UGT1A6: variants seen among roughly 807,000 people sequenced by gnomAD.
The protein encoded by UGT1A6 is UDP glucuronosyltransferase family 1 member A6.
UGT1A6 carries 32 observed loss-of-function variants against 44.4 expected under a neutral mutation model. The ratio of observed to expected loss-of-function variants is 0.72; its 90% CI spans 0.54 to 0.97. The LOEUF (loss-of-function observed/expected upper bound fraction) is 0.97, where lower values mean the gene tolerates loss of function less well. Ranked by LOEUF, UGT1A6 falls within the 50% of genes least tolerant of loss-of-function variation. The probability of loss-of-function intolerance (pLI) is 0.00; values close to 1 mark genes in which losing one functional copy is unlikely to be tolerated. For synonymous variants in UGT1A6, 238 were observed against 248.5 expected (o/e 0.96, Z 0.40); for missense variants, 685 against 661.9 (o/e 1.03, Z -0.38).
At chr2:233,704,341 G>A (rs188654230) in intron 1 of UGT1A6, among the ~76,000 whole-genome samples, 1 of 137,544 alleles carries the variant, frequency 7.3e-6, no homozygotes, top group East Asian at 2.1e-4. Flanking sequence ...TATTTAAAAA[G>A]TTGTGTTCTG....
At chr2:233,770,624 C>T (rs544443196) in intron 4 of UGT1A6, 1 of 151,460 alleles carries the variant, frequency 6.6e-6, no homozygotes, top group African/African-American at 2.4e-5. Flanking sequence ...TGCCACTCCA[C>T]TCCAGCCTGG....
chr2:233,769,742 C>A lies in UGT1A6; in HGVS notation c.1301+1303C>A, dbSNP rs2126047976. 6.9e-7 allele frequency: 1 copy of A among 1,450,742 alleles called. No individual in the cohort carries two copies. Among genetic ancestry groups the A allele is most frequent in the Non-Finnish European group, 9.1e-7 (1 of 1,100,114 alleles). The allele number at this position is 1,450,742 out of a possible 1,614,324, so 89.9% of individuals were successfully genotyped here. ...CCATGGCACACGCCTGTAGTCCCAG[C>A]CACTCTGGAGGCTAAGGCGGGAGGA... On this transcript the variant is annotated intron_variant, in intron 4 of 4. Coordinates refer to ENST00000305139, the MANE Select transcript of UGT1A6 (RefSeq NM_001072.4). This position sits in a 1 kb window ranked among gnomAD's most constrained non-coding sequence, Gnocchi z 4.4.
At chr2:233,760,687 A>C in intron 1 of UGT1A6, 1 of 1,614,232 alleles carries the variant, frequency 6.2e-7, no homozygotes, top group Non-Finnish European at 8.5e-7. Context: ...ACTGCACAAC[A>C]AGGAGCTCAT....
chr2:233,693,402 G>A lies in UGT1A6; in HGVS notation c.398G>A (p.Arg133Lys). ...AACTGCCAGAGCCTCCTGCAGGACA[G>A]GGACACCCTGAACTTCTTTAAGGAG... ...FINCQSLLQD[R>K]DTLNFFKESK... is the part of the protein sequence containing the mutation. The change falls in exon 1 of 5, where the codon AGG becomes AAG. Residue 133 changes from arginine to lysine, a missense_variant. By Grantham distance (26) the Arg-to-Lys change is conservative. Transcript: ENST00000305139. 6.2e-7 allele frequency: 1 copy of A among 1,614,140 alleles called. No homozygotes were observed. Among genetic ancestry groups the A allele is most frequent in the Non-Finnish European group, 8.5e-7 (1 of 1,180,016 alleles).
chr2:233,719,576 A>G, intron 1 of UGT1A6: 1 of 1,613,934 alleles, frequency 6.2e-7, no homozygotes, highest in East Asian at 2.2e-5. Context: ...TCAGCTATGC[A>G]TCCGTGTGGC....
chr2:233,759,596 C>G (rs1697189496), intron 1 of UGT1A6, among the ~76,000 whole-genome samples: 1 of 145,706 alleles, frequency 6.9e-6, no homozygotes, highest in Non-Finnish European at 1.5e-5. Flanking sequence ...CCCCCCACCC[C>G]CGACCCGCCC....
chr2:233,764,097 A>C (rs535493986), intron 1 of UGT1A6, among the ~76,000 whole-genome samples: 6 of 152,334 alleles, frequency 3.9e-5, no homozygotes, highest in African/African-American at 1.4e-4. Flanking sequence ...CTAAACTAAA[A>C]ATACAAAATT....
chr2:233,716,944 C>T (rs192038385), intron 1 of UGT1A6, among the ~76,000 whole-genome samples: 1 of 152,264 alleles, frequency 6.6e-6, no homozygotes, highest in Non-Finnish European at 1.5e-5. Context: ...CTCCTATTTC[C>T]CAGGCACCAG....
Position 233,760,610 on chromosome 2 carries a change from G to A in UGT1A6, c.862-6424G>A. 5 of 1,614,182 alleles carry A rather than the reference G, an allele frequency of 3.1e-6. No homozygotes were observed. Among genetic ancestry groups the A allele is most frequent in the Non-Finnish European group, 3.4e-6 (4 of 1,180,034 alleles). The stretch of plus-strand genomic sequence containing the variant: ...TTTGAGAATGATTCTTTCCTGCAGC[G>A]TGTGATCAAAACATACAAGAAAATA... On this transcript the variant is annotated intron_variant, in intron 1 of 4. Coordinates refer to ENST00000305139, the MANE Select transcript of UGT1A6 (RefSeq NM_001072.4).
chr2:233,733,971 G>A (rs927832512), intron 1 of UGT1A6, among the ~76,000 whole-genome samples: 7 of 152,028 alleles, frequency 4.6e-5, no homozygotes, highest in African/African-American at 7.3e-5. Flanking sequence ...TAGGGGGAGC[G>A]GGGAGGGATA....
chr2:233,755,024 G>A (rs533329516), intron 1 of UGT1A6: 16 of 1,306,402 alleles, frequency 1.2e-5, no homozygotes, highest in Non-Finnish European at 1.7e-5. Flanking sequence ...GGTCCTTGAA[G>A]GGCCTGCCGC....
rs1254304358 is a variant in UGT1A6 at position 233,743,239 on chromosome 2, C to G, written c.862-23795C>G. The stretch of plus-strand genomic sequence containing the variant: ...GCTCTTTGCTATTTATTATGAAGGA[C>G]TTTAACTCAACTCTCCATCTTCCTC... On this transcript the variant is annotated intron_variant, in intron 1 of 4. Coordinates refer to ENST00000305139, the MANE Select transcript of UGT1A6 (RefSeq NM_001072.4). The G allele has an allele frequency of 1.4e-5, 6 of 424,156 alleles. No individual in the cohort carries two copies. The East Asian group carries it at 4.3e-4, about 30-fold the overall frequency. 26.3% of individuals were successfully genotyped at this position (424,156 alleles called of 1,614,324 possible).
intron 1 of UGT1A6, chr2:233,719,588 G>C (rs771890679): frequency 1.9e-6 from 3 of 1,614,000 alleles, no homozygotes; most frequent in Non-Finnish European, 2.5e-6. Flanking sequence ...CCGTGTGGCT[G>C]TTCCGAGGGG....
rs1358825451 is a variant in UGT1A6, at chr2:233,772,781, A to T, written c.*222A>T. ...TATCGTGCCCCCTCTGGTGTCTTTG[A>T]TCAGGATGACATGTGCCATTTTTCA... On this transcript the variant is annotated 3_prime_UTR_variant, in exon 5 of 5. Transcript: ENST00000305139. The T allele has an allele frequency of 2.3e-6, 3 of 1,287,486 alleles. No homozygotes were observed. Among genetic ancestry groups the T allele is most frequent in the Non-Finnish European group, 3.1e-6 (3 of 975,386 alleles). The allele number at this position is 1,287,486 out of a possible 1,614,324, so 79.8% of individuals were successfully genotyped here.
chr2:233,758,146 A>G (rs1260919985), intron 1 of UGT1A6, among the ~76,000 whole-genome samples: 1 of 152,228 alleles, frequency 6.6e-6, no homozygotes, highest in Non-Finnish European at 1.5e-5. Flanking sequence ...TGAGGGAATT[A>G]GCAATGGGTT....
intron 1 of UGT1A6, chr2:233,760,552 A>C: frequency 6.2e-7 from 1 of 1,614,264 alleles, no homozygotes; most frequent in Non-Finnish European, 8.5e-7. Context: ...GGAGGATGTG[A>C]AAGAGTCTTT....
intron 3 of UGT1A6, 26 bp downstream of exon 3, chr2:233,767,962 G>C (rs775218208): frequency 6.2e-7 from 1 of 1,614,120 alleles, no homozygotes; most frequent in Non-Finnish European, 8.5e-7. Context: ...TGGATGTATA[G>C]GTCAAACCAG....
At chr2:233,740,611 T>C (rs1203894418) in intron 1 of UGT1A6, 1 of 151,850 alleles carries the variant, frequency 6.6e-6, no homozygotes, top group Non-Finnish European at 1.5e-5. Flanking sequence ...TCCAGGTCTC[T>C]TGGGGCTCAC....
At chr2:233,724,404 G>T (rs1202271642) in intron 1 of UGT1A6, among the ~76,000 whole-genome samples, 1 of 140,424 alleles carries the variant, frequency 7.1e-6, no homozygotes, top group Admixed American at 7.0e-5. Context: ...CTTCCCAGAT[G>T]GGGTGGCTGC....
Sources: allele counts gnomAD v4.1 joint callset (sites outside exome capture counted in the v4.1 genomes callset), GRCh38; gene constraint gnomAD v4.1.1; non-coding constraint Gnocchi (gnomAD v3.1); transcripts MANE v1.5; gene names NCBI Gene and HGNC (gene_info 2026-07-23, HGNC 2026-07-21).